Variants in TMEM117 observed in about 807,000 individuals in gnomAD.
TMEM117 encodes the protein transmembrane protein 117.
A neutral mutation model predicts 52.4 loss-of-function variants in TMEM117; 27 were observed. The observed-to-expected ratio is 0.51, with a 90% CI of 0.38 to 0.71. The LOEUF is 0.71. Among genes scored for constraint, TMEM117 ranks in the 30% least tolerant of loss-of-function variants. The pLI is 0.00. For synonymous variants in TMEM117, 215 were observed against 206.3 expected (o/e 1.04, Z -0.36); for missense variants, 556 against 630.5 (o/e 0.88, Z 1.26).
chr12:43,888,770 G>A (rs1385124199), intron 2 of TMEM117, among the ~76,000 whole-genome samples: 1 of 151,944 alleles, frequency 6.6e-6, no homozygotes, highest in African/African-American at 2.4e-5. Flanking sequence ...GGATGGTCTC[G>A]ATCTCCTGAC....
At chr12:44,153,531 A>T (rs1948785222) in intron 4 of TMEM117, among the ~76,000 whole-genome samples, 1 of 152,032 alleles carries the variant, frequency 6.6e-6, no homozygotes, top group African/African-American at 2.4e-5. Flanking sequence ...TTGATTTTCA[A>T]CTTTAGAAAA....
chr12:44,276,908 A>ATGTGTG (rs754059220), intron 5 of TMEM117, among the ~76,000 whole-genome samples: 3,759 of 143,698 alleles, frequency 0.026, 122 homozygotes, highest in African/African-American at 0.074. Flanking sequence ...GTGTGTGTGT[A>ATGTGTG]TGTGTGTGTG....
At chr12:44,324,513 A>T (rs923143558) in intron 6 of TMEM117, among the ~76,000 whole-genome samples, 2 of 152,090 alleles carry the variant, frequency 1.3e-5, no homozygotes, top group Non-Finnish European at 2.9e-5. Flanking sequence ...AGGGTACTAC[A>T]TTAAAAATGT....
intron 3 of TMEM117, among the ~76,000 whole-genome samples, chr12:43,962,460 T>C (rs1945418566): frequency 6.6e-6 from 1 of 152,210 alleles, no homozygotes; most frequent in Non-Finnish European, 1.5e-5. Flanking sequence ...TTAAGTAACA[T>C]ACTAAATTAA....
intron 5 of TMEM117, among the ~76,000 whole-genome samples, chr12:44,297,831 T>G (rs889344731): frequency 6.6e-6 from 1 of 152,196 alleles, no homozygotes; most frequent in South Asian, 2.1e-4. Flanking sequence ...CCACTATTCT[T>G]ATTACATAAT....
rs145149171 is a variant in TMEM117 at position 44,198,570 on chromosome 12, G to T, written c.511-12720G>T. On this transcript the variant is annotated intron_variant, in intron 4 of 7. Coordinates refer to ENST00000266534, the MANE Select transcript of TMEM117 (RefSeq NM_032256.3). The stretch of plus-strand genomic sequence containing the variant: ...TGGACACACACCCAAAATTCATTCA[G>T]ATGTTGGGACCAGTGATGTCTGACT... Among the ~76,000 whole-genome samples the T allele has an allele frequency of 2.6e-4, 39 of 152,238 alleles. 1 individual carries two copies. The East Asian group carries it at 5.4e-3, about 21-fold the overall frequency.
At chr12:44,120,445 T>C (rs746022539) in intron 3 of TMEM117, among the ~76,000 whole-genome samples, 4 of 152,182 alleles carry the variant, frequency 2.6e-5, no homozygotes, top group Non-Finnish European at 4.4e-5. Context: ...AGGCCTCCTG[T>C]AGGCTTATTC....
chr12:44,221,221 T>G (rs1949784134), intron 5 of TMEM117, among the ~76,000 whole-genome samples: 1 of 152,170 alleles, frequency 6.6e-6, no homozygotes, highest in African/African-American at 2.4e-5. Flanking sequence ...ATTTTATATC[T>G]ATTTGGGCCC....
At chr12:44,136,312 AG>A (rs1399945909) in intron 3 of TMEM117, among the ~76,000 whole-genome samples, 2 of 152,154 alleles carry the variant, frequency 1.3e-5, no homozygotes, top group Admixed American at 1.3e-4. Flanking sequence ...ACTTCATTAG[AG>A]GTAGAAGACA....
At chr12:44,039,775 G>C (rs12313365) in intron 3 of TMEM117, among the ~76,000 whole-genome samples, 37,038 of 151,728 alleles carry the variant, frequency 0.24, 8,219 homozygotes, top group African/African-American at 0.59. Flanking sequence ...AAAAAGAAAC[G>C]CCACCCTCTT....
At chr12:43,837,462 T>G (rs1391440032) in intron 1 of TMEM117, among the ~76,000 whole-genome samples, 2 of 152,110 alleles carry the variant, frequency 1.3e-5, no homozygotes, top group Non-Finnish European at 2.9e-5. Context: ...TTCTCCTGCC[T>G]CGGCCTCCTG....
At chr12:44,219,030 A>G (rs1372037073) in intron 5 of TMEM117, among the ~76,000 whole-genome samples, 5 of 152,230 alleles carry the variant, frequency 3.3e-5, no homozygotes, top group Non-Finnish European at 7.3e-5. Context: ...AAAATGATTA[A>G]TCATATTTTC....
chr12:44,137,424 C>T (rs1206376203), intron 3 of TMEM117, among the ~76,000 whole-genome samples: 1 of 151,744 alleles, frequency 6.6e-6, no homozygotes, highest in African/African-American at 2.4e-5. Flanking sequence ...GGAGGAGGGC[C>T]TGAAAGAAGG....
intron 3 of TMEM117, among the ~76,000 whole-genome samples, chr12:44,066,549 C>T (rs1189049211): frequency 6.6e-6 from 1 of 152,162 alleles, no homozygotes. Flanking sequence ...ACATGAATTT[C>T]TTGGTTTCCC....
At chr12:43,959,387 A>T (rs183881240) in intron 3 of TMEM117, among the ~76,000 whole-genome samples, 1 of 152,360 alleles carries the variant, frequency 6.6e-6, no homozygotes, top group East Asian at 1.9e-4. Context: ...GCTTCAGCAC[A>T]TAATTTTTCT....
At chr12:44,099,574 C>G (rs1056912512) in intron 3 of TMEM117, among the ~76,000 whole-genome samples, 5 of 151,894 alleles carry the variant, frequency 3.3e-5, no homozygotes, top group African/African-American at 1.2e-4. Context: ...ACCTTGTTTT[C>G]AGATAAAATA....
chr12:44,358,348 A>G (rs1371261898), intron 6 of TMEM117, among the ~76,000 whole-genome samples: 1 of 152,142 alleles, frequency 6.6e-6, no homozygotes, highest in Non-Finnish European at 1.5e-5. Flanking sequence ...ATGAAATAAA[A>G]TAAAATTGAA....
chr12:44,080,580 A>G (rs1270639457), intron 3 of TMEM117, among the ~76,000 whole-genome samples: 1 of 152,166 alleles, frequency 6.6e-6, no homozygotes, highest in Non-Finnish European at 1.5e-5. Flanking sequence ...GGATAGTTTT[A>G]TGTTCTAAAT....
At chr12:44,023,754 A>AT (rs1946489454) in intron 3 of TMEM117, among the ~76,000 whole-genome samples, 1 of 136,694 alleles carries the variant, frequency 7.3e-6, no homozygotes, top group Non-Finnish European at 1.5e-5. Flanking sequence ...GGTTGCAAAA[A>AT]TTTTACAATG....
Sources: allele counts gnomAD v4.1 joint callset (sites outside exome capture counted in the v4.1 genomes callset), GRCh38; gene constraint gnomAD v4.1.1; transcripts MANE v1.5; gene names NCBI Gene and HGNC (gene_info 2026-07-23, HGNC 2026-07-21).